The following CHRM3 variants were observed in gnomAD, a reference collection of about 807,000 sequenced individuals.
CHRM3 encodes the protein muscarinic acetylcholine receptor M3.
A neutral mutation model predicts 41.8 loss-of-function variants in CHRM3; 11 were observed. That is an observed-to-expected ratio of 0.26 (90% CI 0.17 to 0.44). CHRM3 has a LOEUF of 0.44. CHRM3 is among the 20% of genes least tolerant of loss of function. CHRM3 has a pLI of 1.00. For missense variants in CHRM3, 571 were observed against 745.4 expected (o/e 0.77, Z 2.72); for synonymous variants, 297 against 301.4 (o/e 0.99, Z 0.15).
chr1:239,458,932 G>T (rs1293482682), intron 1 of CHRM3, among the ~76,000 whole-genome samples: 1 of 152,120 alleles, frequency 6.6e-6, no homozygotes, highest in Non-Finnish European at 1.5e-5. Flanking sequence ...TTGCACCTTA[G>T]ATGTACAGGT....
At chr1:239,795,878 A>C (rs765239611) in intron 5 of CHRM3, among the ~76,000 whole-genome samples, 1 of 152,194 alleles carries the variant, frequency 6.6e-6, no homozygotes, top group Non-Finnish European at 1.5e-5. Flanking sequence ...TGACCAATTC[A>C]TCTTAGTCTG....
At chr1:239,533,856 T>C (rs1395355800) in intron 2 of CHRM3, among the ~76,000 whole-genome samples, 2 of 152,012 alleles carry the variant, frequency 1.3e-5, no homozygotes, top group African/African-American at 4.8e-5. Context: ...CACTGGGTCC[T>C]TCCCATGACA....
intron 5 of CHRM3, among the ~76,000 whole-genome samples, chr1:239,773,143 C>A (rs1054355516): frequency 3.9e-5 from 6 of 152,070 alleles, no homozygotes; most frequent in Non-Finnish European, 8.8e-5. Context: ...TTTTAAATGT[C>A]CTGATCTAGG....
intron 1 of CHRM3, among the ~76,000 whole-genome samples, chr1:239,475,942 C>T (rs1183445081): frequency 1.3e-5 from 2 of 152,052 alleles, no homozygotes; most frequent in Non-Finnish European, 2.9e-5. Context: ...GAAAATCATT[C>T]ATTTGGTCTC....
intron 3 of CHRM3, among the ~76,000 whole-genome samples, chr1:239,579,134 T>C (rs1662638544): frequency 6.6e-6 from 1 of 152,234 alleles, no homozygotes; most frequent in African/African-American, 2.4e-5. Flanking sequence ...AGTGAGTGAA[T>C]GAAAGATGTC....
chr1:239,435,600 T>G (rs778011795), intron 1 of CHRM3, among the ~76,000 whole-genome samples: 2 of 152,108 alleles, frequency 1.3e-5, no homozygotes, highest in Non-Finnish European at 2.9e-5. Flanking sequence ...ATATCTGATG[T>G]AGGCTAGACA....
intron 1 of CHRM3, among the ~76,000 whole-genome samples, chr1:239,489,203 G>T (rs1667397569): frequency 6.6e-6 from 1 of 152,130 alleles, no homozygotes; most frequent in Non-Finnish European, 1.5e-5. Context: ...CATGAGGTTA[G>T]GAGTTCGAAA....
chr1:239,627,183 C>T (rs1213352219), intron 3 of CHRM3, among the ~76,000 whole-genome samples: 2 of 79,076 alleles, frequency 2.5e-5, no homozygotes, highest in Non-Finnish European at 4.9e-5. Context: ...AATCTGGGTG[C>T]TCCTGTATTG....
chr1:239,465,675 T>G (rs1665672420), intron 1 of CHRM3, among the ~76,000 whole-genome samples: 1 of 152,172 alleles, frequency 6.6e-6, no homozygotes, highest in Admixed American at 6.5e-5. Flanking sequence ...CGTGGTCACA[T>G]GATTTAGGTT....
At chr1:239,761,797 C>A (rs1209166563) in intron 5 of CHRM3, among the ~76,000 whole-genome samples, 6 of 152,210 alleles carry the variant, frequency 3.9e-5, no homozygotes, top group Non-Finnish European at 7.3e-5. Flanking sequence ...CACACGCTCA[C>A]ATTGATCAGT....
chr1:239,643,055 C>T (rs1433643729), intron 4 of CHRM3, among the ~76,000 whole-genome samples: 1 of 152,166 alleles, frequency 6.6e-6, no homozygotes, highest in Non-Finnish European at 1.5e-5. Context: ...GCCTGGGTAT[C>T]AGCAGCAGTG....
At chr1:239,411,080 C>T (rs78285195) in intron 1 of CHRM3, among the ~76,000 whole-genome samples, 1,531 of 152,196 alleles carry the variant, frequency 0.01, 15 homozygotes, top group African/African-American at 0.035. Flanking sequence ...GTGTCACTAA[C>T]GAGTTTTTAA....
chr1:239,392,434 C>A (rs1659117203), intron 1 of CHRM3, among the ~76,000 whole-genome samples: 1 of 152,174 alleles, frequency 6.6e-6, no homozygotes, highest in Non-Finnish European at 1.5e-5. Flanking sequence ...CCCCACTGTT[C>A]CCTTGAAATT....
chr1:239,644,751 C>G (rs890619344), intron 4 of CHRM3, among the ~76,000 whole-genome samples: 5 of 152,132 alleles, frequency 3.3e-5, no homozygotes, highest in Non-Finnish European at 7.3e-5. Flanking sequence ...TTCAGAAGGG[C>G]TGAGCTTTTG....
At chr1:239,596,001 T>C (rs1664732974) in intron 3 of CHRM3, among the ~76,000 whole-genome samples, 1 of 152,184 alleles carries the variant, frequency 6.6e-6, no homozygotes, top group Non-Finnish European at 1.5e-5. Flanking sequence ...TCATTTTTAA[T>C]CAAAGCAAAA....
Position 239,522,462 on chromosome 1 carries a change from A to G in CHRM3, c.-421-23179A>G, listed in dbSNP as rs148070320. Among the ~76,000 whole-genome samples, 39 of 152,314 alleles carry G rather than the reference A, an allele frequency of 2.6e-4. 1 individual carries two copies. Among genetic ancestry groups the G allele is most frequent in the African/African-American group, 9.1e-4 (38 of 41,578 alleles). On this transcript the variant is annotated intron_variant, in intron 2 of 6. Transcript: ENST00000676153. ...GCATGAAAGACCTTAAATGAGACCT[A>G]CTCAGCCAAACTCTTCCTAAGTCCT...
intron 5 of CHRM3, among the ~76,000 whole-genome samples, chr1:239,762,258 GAATT>G (rs1450200420): frequency 2.0e-5 from 3 of 152,124 alleles, no homozygotes; most frequent in Non-Finnish European, 4.4e-5. Context: ...CTTCCCGAGA[GAATT>G]GATTGTGACT....
At chr1:239,463,081 CA>C (rs1335354861) in intron 1 of CHRM3, among the ~76,000 whole-genome samples, 1 of 152,082 alleles carries the variant, frequency 6.6e-6, no homozygotes, top group East Asian at 1.9e-4. Flanking sequence ...TTGAACAACA[CA>C]GATAACAAAG....
At chr1:239,617,728 A>C (rs867005046) in intron 3 of CHRM3, among the ~76,000 whole-genome samples, 47 of 152,120 alleles carry the variant, frequency 3.1e-4, no homozygotes, top group South Asian at 6.2e-4. Context: ...TGTTGGAAAA[A>C]ATTTAAACCT....
Sources: allele counts gnomAD v4.1 joint callset (sites outside exome capture counted in the v4.1 genomes callset), GRCh38; gene constraint gnomAD v4.1.1; transcripts MANE v1.5; gene names NCBI Gene and HGNC (gene_info 2026-07-23, HGNC 2026-07-21).